DEAF1: variants seen among roughly 807,000 people sequenced by gnomAD.
DEAF1 encodes the protein deformed epidermal autoregulatory factor 1 homolog.
Under a neutral mutation model 58.9 loss-of-function variants are expected in DEAF1, and 53 were observed. That is an observed-to-expected ratio of 0.90 (90% CI 0.72 to 1.13). DEAF1 has a LOEUF of 1.13. Among genes scored for constraint, DEAF1 ranks in the 50% most tolerant of loss-of-function variants. The pLI is 0.00. For synonymous variants in DEAF1, 385 were observed against 340.4 expected, an observed-to-expected ratio of 1.13 and a Z score of -1.44; for missense variants, 685 against 791.4, an observed-to-expected ratio of 0.87 and a Z score of 1.61.
In DEAF1 at chr11:695,104, C is replaced by A; in HGVS notation, c.-57G>T. 1 of 1,388,560 alleles carries A rather than the reference C, an allele frequency of 7.2e-7. No homozygotes were observed. The highest frequency in any genetic ancestry group is 1.5e-5 in the African/African-American group (1 of 64,946). The allele number at this position is 1,388,560 out of a possible 1,614,324, so 86.0% of individuals were successfully genotyped here. On this transcript the variant is annotated 5_prime_UTR_variant, in exon 1 of 12. Coordinates refer to ENST00000382409, the MANE Select transcript of DEAF1 (RefSeq NM_021008.4). ...GTCCGGGACCGCCCGAAGCGCCGGT[C>A]GCGGAGCCCGAAGCGGGGCCCGAAG...
chr11:654,006 C>T lies in DEAF1; in HGVS notation c.1549G>A (p.Gly517Ser). Residue 517 changes from glycine to serine, a missense_variant, in exon 11 of 12, where the codon GGC becomes AGC. Physicochemically the swap from Gly to Ser is moderately conservative, Grantham distance 56 (BLOSUM62 0). This residue lies in a region of DEAF1 where 343 missense variants were observed against 379.8 expected (regional missense o/e 0.90). Transcript: ENST00000382409. ...CGREAMSECT[G>S]CHKVNYCSTF... ...GAGCAGTAGTTGACCTTGTGGCAGCCGGTGCACTCGCTCATAGCCTCCCGG... is the reference window on the plus strand; with the variant it reads ...GAGCAGTAGTTGACCTTGTGGCAGCTGGTGCACTCGCTCATAGCCTCCCGG... The T allele has an allele frequency of 4.3e-6, 7 of 1,613,806 alleles. No homozygotes were observed. The highest frequency in any genetic ancestry group is 5.9e-6 in the Non-Finnish European group (7 of 1,179,948).
intron 1 of DEAF1, chr11:700,821 A>C (rs1861421881): frequency 8.0e-6 from 8 of 1,000,238 alleles, no homozygotes; most frequent in Non-Finnish European, 1.3e-5. Flanking sequence ...TTTTTATCCA[A>C]ACTGCTTACC....
Position 694,985 on chromosome 11 carries a change from G to GGCCGCGGCCGCC in DEAF1, c.62_63insGGCGGCCGCGGC (p.Ala21_Ala24dup). 8.7e-7 allele frequency: 1 copy of GGCCGCGGCCGCC among 1,144,996 alleles called. No individual in the cohort carries two copies. The highest frequency in any genetic ancestry group is 1.1e-6 in the Non-Finnish European group (1 of 932,086). The allele number at this position is 1,144,996 out of a possible 1,614,324, so 70.9% of individuals were successfully genotyped here. On this transcript the variant is annotated inframe_insertion, in exon 1 of 12. Transcript: ENST00000382409. ...CGGCCGCCGCCGCCACAGCGGCCGCGGCCGCCACCGCCGCCGCCTCAGCCA... is the reference window on the plus strand; with the variant it reads ...CGGCCGCCGCCGCCACAGCGGCCGCGGCCGCGGCCGCCGCCGCCACCGCCGCCGCCTCAGCCA...
intron 10 of DEAF1, among the ~76,000 whole-genome samples, chr11:664,292 T>C (rs1449090280): frequency 1.4e-5 from 2 of 143,816 alleles, no homozygotes; most frequent in Admixed American, 6.9e-5. Context: ...AAAAGGAAAA[T>C]GAAACCTACT....
chr11:664,345 C>T (rs958890400), intron 10 of DEAF1, among the ~76,000 whole-genome samples: 2 of 152,176 alleles, frequency 1.3e-5, no homozygotes, highest in Admixed American at 1.3e-4. Context: ...GTATCCACCC[C>T]AAGCCATGGC....
intron 1 of DEAF1, chr11:704,635 C>T (rs77025407): frequency 7.8e-7 from 1 of 1,289,350 alleles, no homozygotes; most frequent in Non-Finnish European, 1.0e-6. Flanking sequence ...GACCTGTTGC[C>T]TTCATGGTTA....
In DEAF1 at chr11:644,662, G is replaced by T; in HGVS notation, c.1594-8C>A. On this transcript the variant is annotated splice_polypyrimidine_tract_variant and splice_region_variant and intron_variant, in intron 11 of 11. Transcript: ENST00000382409. This position sits in a 1 kb window ranked among gnomAD's most constrained non-coding sequence, Gnocchi z 4.3. ...CTGGTGATCCTTCCAGTCCTGGAAG[G>T]GAGGACACACCCATGTCAGCAGGGT... 1 of 1,602,592 alleles carries T rather than the reference G, an allele frequency of 6.2e-7. No individual in the cohort carries two copies. Among genetic ancestry groups the T allele is most frequent in the Non-Finnish European group, 8.5e-7 (1 of 1,175,590 alleles).
chr11:677,179 C>T (rs1003134063), intron 9 of DEAF1, among the ~76,000 whole-genome samples: 28 of 151,590 alleles, frequency 1.8e-4, no homozygotes, highest in African/African-American at 5.8e-4. Context: ...TTGCCCAGGC[C>T]GGTCTCAAAC....
At chr11:695,803 C>G (rs1045405533), upstream of DEAF1, 76 of 1,234,258 alleles carry the variant, frequency 6.2e-5, no homozygotes, top group East Asian at 2.2e-3. Flanking sequence ...GGGATCGCGA[C>G]GGACCGGCGG....
Position 703,052 on chromosome 11 carries a change from G to A in DEAF1, c.-438+3520C>T, listed in dbSNP as rs1426754657. The A allele has an allele frequency of 5.0e-6, 8 of 1,612,760 alleles. No individual in the cohort carries two copies. In the East Asian group the frequency reaches 1.3e-4, roughly 27 times the overall value. ...CCACTTCCTGCTTTGGCAGGCCCTA[G>A]TGTTGTGGGCGGACTGGGCCCTCAG... On this transcript the variant is annotated intron_variant, in intron 1 of 11. Coordinates refer to the DEAF1 transcript ENST00000683307.
At position 688,318 on chromosome 11, in the gene DEAF1, G is replaced by A. The variant is rs555185365; in HGVS notation, c.517+13C>T. 3 of 1,612,610 alleles carry A rather than the reference G, an allele frequency of 1.9e-6. No homozygotes were observed. The African/African-American group carries it at 4.0e-5, about 21-fold the overall frequency. On this transcript the variant is annotated intron_variant, in intron 3 of 11. Transcript: ENST00000382409. This position sits in a 1 kb window ranked among gnomAD's most constrained non-coding sequence, Gnocchi z 4.3. The stretch of plus-strand genomic sequence containing the variant: ...TGTTTTGCCCGAGGCCTGGGGTGCA[G>A]GCACCGCTGTACCTGGGGTGAGGGG...
chr11:701,002 C>A, intron 1 of DEAF1: 1 of 474,566 alleles, frequency 2.1e-6, no homozygotes, highest in Non-Finnish European at 3.8e-6. Context: ...AGCCCACCAC[C>A]ACATCTGGAG....
intron 11 of DEAF1, chr11:646,401 G>C (rs1159023764): frequency 1.3e-5 from 2 of 152,192 alleles, no homozygotes; most frequent in Non-Finnish European, 2.9e-5. Flanking sequence ...CAACCAGGAA[G>C]GGTTCCGGTT....
At chr11:691,750 C>G (rs1860844947) in intron 1 of DEAF1, 152 bp from the exon 2 acceptor site, 1 of 709,172 alleles carries the variant, frequency 1.4e-6, no homozygotes, top group Non-Finnish European at 2.5e-6. Flanking sequence ...ACACGCTCGA[C>G]CTACATTTCT....
At position 644,942 on chromosome 11, in the gene DEAF1, C is replaced by T. The variant is rs1259743449; in HGVS notation, c.1594-288G>A. ...CTTTGGGAGGCCCAGGAGGGTGGAT[C>T]CCCTGAGGTCAGGAGTTCGAGACCA... is the stretch of plus-strand genomic sequence containing the variant. On this transcript the variant is annotated intron_variant, in intron 11 of 11. Transcript: ENST00000382409. The surrounding 1 kb of genome is among the most constrained non-coding windows in gnomAD (Gnocchi z 4.3). Among the ~76,000 whole-genome samples, 1 of 152,118 alleles carries T rather than the reference C, an allele frequency of 6.6e-6. No homozygotes were observed. Among genetic ancestry groups the T allele is most frequent in the Non-Finnish European group, 1.5e-5 (1 of 68,008 alleles).
rs1590017624 is a variant in DEAF1 at position 687,908 on chromosome 11, C to T, written c.664+3G>A. 6.2e-7 allele frequency: 1 copy of T among 1,614,082 alleles called. No homozygotes were observed. Among genetic ancestry groups the T allele is most frequent in the East Asian group, 2.2e-5 (1 of 44,884 alleles). On this transcript the variant is annotated splice_donor_region_variant and intron_variant, in intron 4 of 11. Transcript: ENST00000382409. ...CTTTGGAGTCTGAAGTGGCAGTCCT[C>T]ACCTGAGCCGAGCCTGTTCTTGTAC...
intron 1 of DEAF1, chr11:703,569 T>C: frequency 8.1e-7 from 1 of 1,233,336 alleles, no homozygotes; most frequent in Non-Finnish European, 1.0e-6. Flanking sequence ...TGGTCCTAAT[T>C]TGTGTTCTGA....
intron 1 of DEAF1, chr11:703,737 T>C: frequency 1.6e-6 from 2 of 1,232,662 alleles, no homozygotes; most frequent in East Asian, 6.3e-5. Context: ...AAGCAATAAA[T>C]GCAAACAAGC....
At chr11:657,912 C>T (rs908528874) in intron 10 of DEAF1, among the ~76,000 whole-genome samples, 3 of 152,016 alleles carry the variant, frequency 2.0e-5, no homozygotes, top group African/African-American at 2.4e-5. Context: ...CAGGTGGCAG[C>T]GGGGACAAGG....
Sources: allele counts gnomAD v4.1 joint callset (sites outside exome capture counted in the v4.1 genomes callset), GRCh38; gene constraint gnomAD v4.1.1; regional missense constraint gnomAD v4.1.1; non-coding constraint Gnocchi (gnomAD v3.1); transcripts MANE v1.5; gene names NCBI Gene and HGNC (gene_info 2026-07-23, HGNC 2026-07-21).